Variants in CFHR5 observed in about 807,000 individuals in gnomAD.
CFHR5 encodes complement factor H related 5, also known as complement factor H-related protein 5.
CFHR5 carries 73 observed loss-of-function variants against 62.9 expected under a neutral mutation model. The ratio of observed to expected loss-of-function variants is 1.16; its 90% confidence interval spans 0.96 to 1.41. The LOEUF is 1.41. Ranked by LOEUF, CFHR5 falls within the 40% of genes most tolerant of loss-of-function variation. The pLI is 0.00. For missense variants in CFHR5, 779 were observed against 679.9 expected, an observed-to-expected ratio of 1.15 and a Z score of -1.62; for synonymous variants, 249 against 227.2, an observed-to-expected ratio of 1.10 and a Z score of -0.86.
chr1:196,977,811 G>A, intron 1 of CFHR5, 89 bp downstream of exon 1: 1 of 959,230 alleles, frequency 1.0e-6, no homozygotes, highest in Non-Finnish European at 1.7e-6. Flanking sequence ...ATTTTTAAAT[G>A]AATAAATAGC....
intron 5 of CFHR5, 41 bp downstream of exon 5, chr1:196,995,940 C>A: frequency 6.3e-7 from 1 of 1,592,372 alleles, no homozygotes; most frequent in Non-Finnish European, 8.6e-7. Flanking sequence ...GTTACTATTA[C>A]TTTGCACTTA....
rs1311360849 is a variant in CFHR5 at position 197,008,542 on chromosome 1, GA to G, written c.1570del (p.Arg524GlufsTer25). ...ACAAAAATAACATACAGTTAAAATGGAGAAACGATGGAAAACTCTATGCAAA... is the reference window on the plus strand; with the variant it reads ...ACAAAAATAACATACAGTTAAAATGGGAAACGATGGAAAACTCTATGCAAA... ...MNKNNIQLKW[R>X]NDGKLYAKTG... On this transcript the variant is annotated frameshift_variant, in exon 10 of 10. Coordinates refer to ENST00000256785, the MANE Select transcript of CFHR5 (RefSeq NM_030787.4). LOFTEE classifies it low-confidence loss of function (END_TRUNC). 6.2e-7 allele frequency: 1 copy of G among 1,613,356 alleles called. No individual in the cohort carries two copies. The highest frequency in any genetic ancestry group is 1.3e-5 in the African/African-American group (1 of 74,984).
rs369799989 is a variant in CFHR5 at position 196,995,699 on chromosome 1, A to T, written c.608-18A>T. 1 of 1,603,868 alleles carries T rather than the reference A, an allele frequency of 6.2e-7. No individual in the cohort carries two copies. The highest frequency in any genetic ancestry group is 1.3e-5 in the African/African-American group (1 of 74,794). On this transcript the variant is annotated intron_variant, in intron 4 of 9. Coordinates refer to ENST00000256785, the MANE Select transcript of CFHR5 (RefSeq NM_030787.4). ...TTATAAGACCATTTAAGCATTATTT[A>T]TGGTTTCTTTATAATAGGACAAGTA...
In CFHR5 at chr1:196,998,257, A is replaced by G. The variant is rs766952894; in HGVS notation, c.1100A>G (p.His367Arg). The G allele has an allele frequency of 1.2e-6, 2 of 1,610,506 alleles. No individual in the cohort carries two copies. The highest frequency in any genetic ancestry group is 1.7e-6 in the Non-Finnish European group (2 of 1,177,782). Reference protein sequence around the residue: ...YRCSDIFRYRHSVCINGKWNP... With the variant: ...YRCSDIFRYRRSVCINGKWNP... ...TGTTCAGACATCTTCAGATACAGGC[A>G]CTCAGTCTGTATAAACGGGAAATGG... Residue 367 changes from histidine (H) to arginine (R), a missense_variant, in exon 7 of 10, where the codon CAC becomes CGC. Physicochemically the swap from His to Arg is conservative, Grantham distance 29 (BLOSUM62 0). Coordinates refer to ENST00000256785, the MANE Select transcript of CFHR5 (RefSeq NM_030787.4).
chr1:196,993,862 T>C (rs1278587915), intron 3 of CFHR5, among the ~76,000 whole-genome samples: 1 of 152,146 alleles, frequency 6.6e-6, no homozygotes, highest in African/African-American at 2.4e-5. Context: ...AAGATTCTCA[T>C]AGAAAATGTT....
upstream of CFHR5, among the ~76,000 whole-genome samples, chr1:196,977,229 T>C (rs1185652974): frequency 6.6e-6 from 1 of 151,688 alleles, no homozygotes; most frequent in African/African-American, 2.4e-5. Flanking sequence ...GATATTGTTG[T>C]ATTAAGATGA....
chr1:196,998,790 A>C (rs553806889), intron 7 of CFHR5, among the ~76,000 whole-genome samples: 7 of 152,148 alleles, frequency 4.6e-5, no homozygotes, highest in Admixed American at 3.3e-4. Context: ...ATTTACTTTG[A>C]GTAATAGGAT....
At chr1:196,985,079 T>A (rs1362467278) in intron 3 of CFHR5, among the ~76,000 whole-genome samples, 1 of 152,210 alleles carries the variant, frequency 6.6e-6, no homozygotes, top group Non-Finnish European at 1.5e-5. Context: ...TTTCTAAATT[T>A]TTTTTCAGTG....
chr1:196,995,431 T>C (rs1348806443), intron 4 of CFHR5, among the ~76,000 whole-genome samples: 1 of 152,150 alleles, frequency 6.6e-6, no homozygotes, highest in Admixed American at 6.5e-5. Context: ...AAAAAATAAG[T>C]AAATAGGGCA....
intron 7 of CFHR5, 106 bp from the exon 8 acceptor site, chr1:197,002,376 A>G: frequency 1.4e-6 from 1 of 735,830 alleles, no homozygotes; most frequent in Admixed American, 2.2e-5. Flanking sequence ...AGAGAGACAT[A>G]GTGTGTGTGT....
intron 9 of CFHR5, 26 bp downstream of exon 9, chr1:197,004,869 T>C: frequency 1.3e-6 from 2 of 1,551,258 alleles, no homozygotes; most frequent in Non-Finnish European, 1.8e-6. Context: ...TCTCTTGGAA[T>C]CTGAGATTTA....
chr1:196,996,708 C>T (rs1653999436), intron 6 of CFHR5, among the ~76,000 whole-genome samples: 1 of 151,990 alleles, frequency 6.6e-6, no homozygotes, highest in Admixed American at 6.6e-5. Flanking sequence ...TATTAAATTC[C>T]AGAGTGTTTG....
At chr1:196,992,627 G>C (rs1399250982) in intron 3 of CFHR5, among the ~76,000 whole-genome samples, 1 of 152,152 alleles carries the variant, frequency 6.6e-6, no homozygotes, top group East Asian at 1.9e-4. Flanking sequence ...GGGAGCTGCA[G>C]ACCAGAGCTG....
At chr1:196,979,256 CTGTG>C (rs57862148) in intron 1 of CFHR5, among the ~76,000 whole-genome samples, 25,917 of 148,468 alleles carry the variant, frequency 0.17, 2,485 homozygotes, top group Middle Eastern at 0.35. Context: ...AGGTAATTGT[CTGTG>C]TGTGTGTGTG....
intron 3 of CFHR5, among the ~76,000 whole-genome samples, chr1:196,990,466 A>G (rs1653814615): frequency 6.6e-6 from 1 of 152,098 alleles, no homozygotes; most frequent in South Asian, 2.1e-4. Flanking sequence ...TACCTAGCAT[A>G]GATGGTCTTT....
chr1:196,994,222 A>C lies in CFHR5; in HGVS notation c.573A>C (p.Gln191His), dbSNP rs754586890. ...RVGSDSVQCY[Q>H]FGWSPNFPTC... ...GATCAGACTCAGTTCAATGTTACCA[A>C]TTTGGGTGGTCACCTAACTTTCCAA... Residue 191 changes from glutamine to histidine, a missense_variant, in exon 4 of 10, where the codon CAA becomes CAC. By Grantham distance (24) the Gln-to-His change is conservative. Coordinates refer to ENST00000256785, the MANE Select transcript of CFHR5 (RefSeq NM_030787.4). The C allele has an allele frequency of 1.2e-6, 2 of 1,613,702 alleles. No homozygotes were observed. Among genetic ancestry groups the C allele is most frequent in the South Asian group, 2.2e-5 (2 of 91,056 alleles).
At chr1:196,996,809 A>G (rs1654001793) in intron 6 of CFHR5, among the ~76,000 whole-genome samples, 1 of 151,994 alleles carries the variant, frequency 6.6e-6, no homozygotes, top group African/African-American at 2.4e-5. Context: ...TCTTATTTCT[A>G]TTCCTAATTA....
Position 196,977,628 on chromosome 1 carries a change from G to A in CFHR5, c.-37G>A. The stretch of plus-strand genomic sequence containing the variant: ...ATTTAAAGCAACACCACCATCACTG[G>A]AGTATTTTTAGTTATATACGATTGA... On this transcript the variant is annotated 5_prime_UTR_variant, in exon 1 of 10. An upstream open reading frame in the 5' UTR gains an earlier in-frame stop. Transcript: ENST00000256785. The A allele has an allele frequency of 1.3e-6, 2 of 1,507,564 alleles. No individual in the cohort carries two copies. Among genetic ancestry groups the A allele is most frequent in the Non-Finnish European group, 1.8e-6 (2 of 1,083,662 alleles). 93.4% of individuals were successfully genotyped at this position (1,507,564 alleles called of 1,614,324 possible).
At chr1:196,986,857 G>T (rs1653696727) in intron 3 of CFHR5, among the ~76,000 whole-genome samples, 2 of 152,124 alleles carry the variant, frequency 1.3e-5, no homozygotes, top group African/African-American at 4.8e-5. Flanking sequence ...ATAGCAGCAT[G>T]ATTTATAATC....
Sources: allele counts gnomAD v4.1 joint callset (sites outside exome capture counted in the v4.1 genomes callset), GRCh38; gene constraint gnomAD v4.1.1; transcripts MANE v1.5; gene names NCBI Gene and HGNC (gene_info 2026-07-23, HGNC 2026-07-21).